The following RAB11B variants were observed in gnomAD, a reference collection of about 807,000 sequenced individuals.
The protein encoded by RAB11B is ras-related protein Rab-11B.
Under a neutral mutation model 23.7 loss-of-function variants are expected in RAB11B, and 7 were observed. The observed-to-expected ratio is 0.29, with a 90% CI of 0.17 to 0.55. The LOEUF is 0.55. RAB11B is among the 20% of genes least tolerant of loss of function. RAB11B has a pLI of 0.93. For synonymous variants in RAB11B, 138 were observed against 132.0 expected (o/e 1.05, Z -0.31); for missense variants, 189 against 320.0 (o/e 0.59, Z 3.12).
At chr19:8,390,482 C>G in intron 1 of RAB11B, 26 bp downstream of exon 1, 1 of 1,483,990 alleles carries the variant, frequency 6.7e-7, no homozygotes, top group Non-Finnish European at 8.9e-7. Flanking sequence ...CACAGACGGG[C>G]GAAGTCGTGG....
intron 1 of RAB11B, chr19:8,390,772 T>G: frequency 6.7e-6 from 1 of 149,794 alleles, no homozygotes; most frequent in Non-Finnish European, 1.3e-5. Context: ...GGTGGAGCTT[T>G]CCCAAGATTT....
rs141847052 is a variant in RAB11B, at chr19:8,396,714, G to A, written c.41-3149G>A. ...GTGGCTGGAGCAGAGTGAGCCGGGG[G>A]GGGGGCGGGAGGGAGGAGGGGAGGG... On this transcript the variant is annotated intron_variant, in intron 1 of 4. Coordinates refer to ENST00000328024, the MANE Select transcript of RAB11B (RefSeq NM_004218.4). This position sits in a 1 kb window ranked among gnomAD's most constrained non-coding sequence, Gnocchi z 5.0. 6.2e-4 allele frequency among the ~76,000 whole-genome samples: 91 copies of A among 146,764 alleles called. 3 individuals carry two copies. The East Asian group carries it at 0.014, about 23-fold the overall frequency.
chr19:8,397,635 G>T (rs942065398), intron 1 of RAB11B, among the ~76,000 whole-genome samples: 3 of 152,128 alleles, frequency 2.0e-5, no homozygotes, highest in African/African-American at 7.2e-5. Flanking sequence ...AGTTGGGTCA[G>T]GAGAGAATGT....
In RAB11B at chr19:8,396,009, C is replaced by T. The variant is rs1971394185; in HGVS notation, c.41-3854C>T. On this transcript the variant is annotated intron_variant, in intron 1 of 4. Coordinates refer to ENST00000328024, the MANE Select transcript of RAB11B (RefSeq NM_004218.4). This position sits in a 1 kb window ranked among gnomAD's most constrained non-coding sequence, Gnocchi z 5.0. ...AGGGCGAGCCCACAAACATGCATAG[C>T]TTCAGGGTCCTGCTCTGCCCCGCAC... Among the ~76,000 whole-genome samples, 1 of 152,224 alleles carries T rather than the reference C, an allele frequency of 6.6e-6. No homozygotes were observed. Among genetic ancestry groups the T allele is most frequent in the African/African-American group, 2.4e-5 (1 of 41,464 alleles).
intron 2 of RAB11B, 23 bp from the exon 3 acceptor site, chr19:8,402,063 C>T (rs1971441903): frequency 6.4e-7 from 1 of 1,553,836 alleles, no homozygotes; most frequent in Non-Finnish European, 8.7e-7. Context: ...TCCAGAGAGG[C>T]TCATGGGCCC....
At chr19:8,392,685 C>CTTTTTTTTTTTTTTTTT (rs74176644) in intron 1 of RAB11B, among the ~76,000 whole-genome samples, 16 of 79,664 alleles carry the variant, frequency 2.0e-4, no homozygotes, top group Middle Eastern at 0.016. Flanking sequence ...TTTTTCTTTT[C>CTTTTTTTTTTTTTTTTT]TTTTTTTTTT....
intron 1 of RAB11B, among the ~76,000 whole-genome samples, chr19:8,395,864 G>A (rs894351498): frequency 6.6e-6 from 1 of 152,214 alleles, no homozygotes; most frequent in African/African-American, 2.4e-5. Flanking sequence ...GAGTGTGGCA[G>A]TGAGTTGCGA....
intron 2 of RAB11B, 28 bp downstream of exon 2, chr19:8,400,086 G>A (rs779404755): frequency 1.7e-5 from 27 of 1,601,528 alleles, no homozygotes; most frequent in South Asian, 1.1e-4. Context: ...GGGCAGGGAC[G>A]CTGAGATTCG....
rs769083528 is a variant in RAB11B, at chr19:8,402,176, G to A, written c.327G>A (p.Leu109=). The change falls in exon 3 of 5, where the codon CTG becomes CTA. Residue 109 remains leucine, a synonymous_variant. Transcript: ENST00000328024. ...YENVERWLKE[L]RDHADSNIVI... is the part of the protein sequence containing the mutation. ...ACGTGGAGCGCTGGCTGAAGGAGCT[G>A]CGGGACCACGCAGACAGCAACATCG... The A allele has an allele frequency of 2.5e-6, 4 of 1,601,084 alleles. No individual in the cohort carries two copies. The South Asian group carries it at 4.5e-5, about 18-fold the overall frequency.
In RAB11B at chr19:8,396,038, G is replaced by A. The variant is rs1351833844; in HGVS notation, c.41-3825G>A. Among the ~76,000 whole-genome samples the A allele has an allele frequency of 1.3e-5, 2 of 152,218 alleles. No individual in the cohort carries two copies. The highest frequency in any genetic ancestry group is 2.1e-4 in the South Asian group (1 of 4,836). On this transcript the variant is annotated intron_variant, in intron 1 of 4. Coordinates refer to ENST00000328024, the MANE Select transcript of RAB11B (RefSeq NM_004218.4). The surrounding 1 kb of genome is among the most constrained non-coding windows in gnomAD (Gnocchi z 5.0). Reference sequence around the variant, plus strand: ...AGGGTCCTGCTCTGCCCCGCACCCCGTTCCCCATCCAAGCCTCAGTTTCCT... The same window carrying A: ...AGGGTCCTGCTCTGCCCCGCACCCCATTCCCCATCCAAGCCTCAGTTTCCT...
At chr19:8,397,257 C>T (rs1054230869) in intron 1 of RAB11B, among the ~76,000 whole-genome samples, 1 of 152,062 alleles carries the variant, frequency 6.6e-6, no homozygotes, top group African/African-American at 2.4e-5. Flanking sequence ...GTCTGGGCTT[C>T]TAGGGAGAGA....
At position 8,396,355 on chromosome 19, in the gene RAB11B, G is replaced by T. The variant is rs140891627; in HGVS notation, c.41-3508G>T. On this transcript the variant is annotated intron_variant, in intron 1 of 4. Coordinates refer to ENST00000328024, the MANE Select transcript of RAB11B (RefSeq NM_004218.4). This position sits in a 1 kb window ranked among gnomAD's most constrained non-coding sequence, Gnocchi z 5.0. ...TCACTTGACAGACATTTTCTTGGGTGTTTATTGTGTGCCAAGCACTGTGCC... is the reference window on the plus strand; with the variant it reads ...TCACTTGACAGACATTTTCTTGGGTTTTTATTGTGTGCCAAGCACTGTGCC... Among the ~76,000 whole-genome samples the T allele has an allele frequency of 5.6e-3, 855 of 152,304 alleles. 5 individuals are homozygous for T. Among genetic ancestry groups the T allele is most frequent in the Admixed American group, 0.012 (180 of 15,292 alleles).
chr19:8,400,115 G>T, intron 2 of RAB11B, 57 bp downstream of exon 2: 3 of 1,573,614 alleles, frequency 1.9e-6, no homozygotes. Flanking sequence ...GGCTTGCAGC[G>T]CGTGGGCTTG....
intron 1 of RAB11B, among the ~76,000 whole-genome samples, chr19:8,395,968 G>A (rs1412204194): frequency 6.6e-6 from 1 of 152,210 alleles, no homozygotes; most frequent in Non-Finnish European, 1.5e-5. Context: ...CACTTGGGGA[G>A]CACCGTTGGG....
At chr19:8,395,254 C>T (rs886997428) in intron 1 of RAB11B, among the ~76,000 whole-genome samples, 7 of 150,916 alleles carry the variant, frequency 4.6e-5, no homozygotes, top group Admixed American at 1.3e-4. Context: ...ACATTCACTC[C>T]ACCTCTTTCC....
rs200780966 is a variant in RAB11B, at chr19:8,403,566, G to A, written c.*8G>A. The stretch of plus-strand genomic sequence containing the variant: ...TGCTGCCAGAACCTGTGACCCCTGC[G>A]CCTCCACCCAGCGTGCGTGCACGTC... On this transcript the variant is annotated 3_prime_UTR_variant, in exon 5 of 5. Transcript: ENST00000328024. 6.7e-5 allele frequency: 108 copies of A among 1,608,712 alleles called. No homozygotes were observed. Among genetic ancestry groups the A allele is most frequent in the East Asian group, 3.1e-4 (14 of 44,684 alleles).
intron 1 of RAB11B, among the ~76,000 whole-genome samples, chr19:8,395,948 C>G (rs1280289413): frequency 6.6e-6 from 1 of 152,168 alleles, no homozygotes; most frequent in Non-Finnish European, 1.5e-5. Context: ...GGCGGTGGCT[C>G]CAGACAAGTC....
At chr19:8,393,097 C>T (rs1173836849) in intron 1 of RAB11B, among the ~76,000 whole-genome samples, 1 of 151,812 alleles carries the variant, frequency 6.6e-6, no homozygotes, top group African/African-American at 2.4e-5. Context: ...ATTTGTTTTC[C>T]TTCGTGAATG....
At chr19:8,392,498 C>T (rs1205624631) in intron 1 of RAB11B, among the ~76,000 whole-genome samples, 3 of 151,860 alleles carry the variant, frequency 2.0e-5, no homozygotes, top group Non-Finnish European at 2.9e-5. Context: ...GCCCTCCCCA[C>T]ACTGGCCTCC....
Sources: allele counts gnomAD v4.1 joint callset (sites outside exome capture counted in the v4.1 genomes callset), GRCh38; gene constraint gnomAD v4.1.1; non-coding constraint Gnocchi (gnomAD v3.1); transcripts MANE v1.5; gene names NCBI Gene and HGNC (gene_info 2026-07-23, HGNC 2026-07-21).